Variants in CFAP54 observed in about 807,000 individuals in gnomAD.
CFAP54 encodes the protein cilia- and flagella-associated protein 54.
In CFAP54, 290 loss-of-function variants were observed where a neutral mutation model predicts 370.4. That is an observed-to-expected ratio of 0.78 (90% CI 0.71 to 0.86). CFAP54 has a LOEUF of 0.86. Ranked by LOEUF, CFAP54 falls within the 40% of genes least tolerant of loss-of-function variation. The probability of loss-of-function intolerance (pLI) is 0.00; values close to 1 mark genes in which losing one functional copy is unlikely to be tolerated. For missense variants in CFAP54, 3,399 were observed against 3,528.7 expected (o/e 0.96, Z 0.93); for synonymous variants, 1,206 against 1,236.5 (o/e 0.98, Z 0.52).
chr12:96,637,957 G>A (rs1389645657), intron 32 of CFAP54, among the ~76,000 whole-genome samples: 1 of 152,114 alleles, frequency 6.6e-6, no homozygotes, highest in Non-Finnish European at 1.5e-5. Flanking sequence ...TAGCCTAGGT[G>A]TGTAGTAGGC....
In CFAP54 at chr12:96,753,862, G is replaced by T; in HGVS notation, c.7804G>T (p.Glu2602Ter). The part of the protein sequence containing the change: ...LKLCRTTAVE[E>*]HEVEAEILFQ... ...GCTCTGTAGAACAACAGCAGTGGAGGAACATGAGGTGGAAGCTGAAATCCT... is the reference window on the plus strand; with the variant it reads ...GCTCTGTAGAACAACAGCAGTGGAGTAACATGAGGTGGAAGCTGAAATCCT... The change falls in exon 56 of 68, where the codon GAA becomes TAA. Residue 2602 changes from glutamate (E) to a stop codon, truncating the protein, a stop_gained. Coordinates refer to ENST00000524981, the MANE Select transcript of CFAP54 (RefSeq NM_001306084.2). LOFTEE classifies it high-confidence loss of function. 1 of 1,613,776 alleles carries T rather than the reference G, an allele frequency of 6.2e-7. No homozygotes were observed. Among genetic ancestry groups the T allele is most frequent in the South Asian group, 1.1e-5 (1 of 91,016 alleles).
chr12:96,743,971 C>A, intron 54 of CFAP54, 49 bp from the exon 55 acceptor site: 1 of 1,602,918 alleles, frequency 6.2e-7, no homozygotes, highest in Non-Finnish European at 8.5e-7. Flanking sequence ...TCCTCCTATT[C>A]CAAACCACGT....
intron 22 of CFAP54, among the ~76,000 whole-genome samples, chr12:96,587,223 G>A (rs1021081433): frequency 3.0e-4 from 45 of 152,162 alleles, no homozygotes; most frequent in African/African-American, 9.9e-4. Context: ...TGGGGAAGGG[G>A]TCTGGGCAGG....
intron 60 of CFAP54, among the ~76,000 whole-genome samples, chr12:96,770,188 ATGTGTGTGTGTGTGTGTGTGTGAATT>A (rs1476041564): frequency 2.0e-5 from 3 of 151,056 alleles, no homozygotes; most frequent in Non-Finnish European, 3.0e-5. Flanking sequence ...TGAAGGTGGG[ATGTGTGTGTGTGTGTGTGTGTGAATT>A]TGTGTGTGTG....
intron 40 of CFAP54, among the ~76,000 whole-genome samples, 160 bp from the exon 41 acceptor site, chr12:96,684,488 G>A (rs1352462368): frequency 6.6e-6 from 1 of 152,078 alleles, no homozygotes; most frequent in African/African-American, 2.4e-5. Flanking sequence ...CGCTCTCTTT[G>A]TATATATATC....
chr12:96,663,458 T>G (rs1957019955), intron 38 of CFAP54, among the ~76,000 whole-genome samples: 1 of 150,408 alleles, frequency 6.6e-6, no homozygotes, highest in African/African-American at 2.5e-5. Context: ...CCAGGGAAAA[T>G]AAAATTGCAT....
At chr12:96,571,013 T>A (rs887013920) in intron 19 of CFAP54, among the ~76,000 whole-genome samples, 7 of 152,206 alleles carry the variant, frequency 4.6e-5, no homozygotes, top group African/African-American at 1.4e-4. Flanking sequence ...TACATTATAA[T>A]GTTGAGAACC....
At chr12:96,717,071 C>G (rs1957691104) in intron 48 of CFAP54, among the ~76,000 whole-genome samples, 1 of 152,214 alleles carries the variant, frequency 6.6e-6, no homozygotes, top group Non-Finnish European at 1.5e-5. Flanking sequence ...GCCTATCTGT[C>G]TAGCTCTTCT....
At chr12:96,632,203 T>C (rs990119107) in intron 32 of CFAP54, among the ~76,000 whole-genome samples, 1 of 151,998 alleles carries the variant, frequency 6.6e-6, no homozygotes, top group Non-Finnish European at 1.5e-5. Context: ...TTTAATTTTA[T>C]AAGTTTGGAT....
intron 60 of CFAP54, among the ~76,000 whole-genome samples, chr12:96,784,028 G>A (rs1453252282): frequency 6.6e-6 from 1 of 152,226 alleles, no homozygotes; most frequent in East Asian, 1.9e-4. Context: ...TTTCTCTCTT[G>A]TAGATGTAAT....
At chr12:96,682,182 A>T in intron 40 of CFAP54, 2 of 985,558 alleles carry the variant, frequency 2.0e-6, no homozygotes, top group Non-Finnish European at 2.4e-6. Flanking sequence ...GTACTTCTGG[A>T]AAGGTGGAAT....
intron 48 of CFAP54, among the ~76,000 whole-genome samples, chr12:96,714,943 T>G (rs2136600791): frequency 6.6e-6 from 1 of 152,142 alleles, no homozygotes; most frequent in Non-Finnish European, 1.5e-5. Flanking sequence ...AAATGGAGGG[T>G]TTGGCCCTAC....
intron 67 of CFAP54, among the ~76,000 whole-genome samples, chr12:96,862,619 A>G (rs1024508452): frequency 2.6e-5 from 4 of 152,224 alleles, no homozygotes; most frequent in African/African-American, 9.6e-5. Flanking sequence ...AAGAAGACTG[A>G]TAGGAAACCA....
intron 65 of CFAP54, among the ~76,000 whole-genome samples, chr12:96,826,387 TTA>T (rs915577107): frequency 1.7e-4 from 23 of 134,684 alleles, no homozygotes; most frequent in South Asian, 1.1e-3. Flanking sequence ...CAATATATTG[TTA>T]TATATATATT....
rs1955733225 is a variant in CFAP54, at chr12:96,554,689, T to C, written c.2297T>C (p.Ile766Thr). The change falls in exon 17 of 68, where the codon ATA becomes ACA. Residue 766 changes from isoleucine to threonine, a missense_variant. By Grantham distance (89) the Ile-to-Thr change is moderately conservative (BLOSUM62 -1). Coordinates refer to ENST00000524981, the MANE Select transcript of CFAP54 (RefSeq NM_001306084.2). ...GTTGGACCAAAGCGTACCCACCATA[T>C]AGATGGAGATACTTACAAACCACTT... ...DHCYAKRTHH[I>T]DGDTYKPLAS... 2 of 1,533,488 alleles carry C rather than the reference T, an allele frequency of 1.3e-6. No homozygotes were observed. Among genetic ancestry groups the C allele is most frequent in the Admixed American group, 2.0e-5 (1 of 50,774 alleles). 95.0% of individuals were successfully genotyped at this position (1,533,488 alleles called of 1,614,324 possible).
At chr12:96,557,049 T>G (rs553151510) in intron 17 of CFAP54, among the ~76,000 whole-genome samples, 150 of 152,090 alleles carry the variant, frequency 9.9e-4, no homozygotes, top group Admixed American at 2.1e-3. Flanking sequence ...CCCCCGAACT[T>G]AAAGCGAAAG....
At chr12:96,500,362 T>C (rs191651514) in intron 1 of CFAP54, among the ~76,000 whole-genome samples, 1 of 152,334 alleles carries the variant, frequency 6.6e-6, no homozygotes, top group East Asian at 1.9e-4. Flanking sequence ...CTCTCTGATA[T>C]TTTCACAGTG....
At position 96,489,626 on chromosome 12, in the gene CFAP54, C is replaced by A. The variant is rs1018784141; in HGVS notation, c.17C>A (p.Ser6Tyr). 4.5e-5 allele frequency: 69 copies of A among 1,522,688 alleles called. No homozygotes were observed. Among genetic ancestry groups the A allele is most frequent in the African/African-American group, 8.3e-5 (6 of 72,694 alleles). 94.3% of individuals were successfully genotyped at this position (1,522,688 alleles called of 1,614,324 possible). A position where few individuals can be genotyped will look rare whatever the true frequency, so the allele number is the denominator to read the frequency against. MAAQG[S>Y]PSSSPSDDST... ...CGCGTCAATATGGCGGCGCAGGGCT[C>A]CCCCTCGAGCTCTCCGTCAGACGAC... The change falls in exon 1 of 68, where the codon TCC becomes TAC. Residue 6 changes from serine (S) to tyrosine (Y), a missense_variant. Ser to Tyr is a moderately radical substitution (Grantham distance 144). Transcript: ENST00000524981.
At chr12:96,519,460 A>G (rs1327427179) in intron 6 of CFAP54, among the ~76,000 whole-genome samples, 1 of 152,128 alleles carries the variant, frequency 6.6e-6, no homozygotes, top group Non-Finnish European at 1.5e-5. Flanking sequence ...CAGGGGAAAA[A>G]CAAAACCCAA....
Sources: gnomAD v4.1 joint callset for allele counts (sites outside exome capture counted in the v4.1 genomes callset) on GRCh38, gnomAD v4.1.1 for gene constraint, MANE v1.5 for transcripts, NCBI Gene and HGNC (gene_info 2026-07-23, HGNC 2026-07-21) for gene names.